KIF5B: variants seen among roughly 807,000 people sequenced by gnomAD.
The protein encoded by KIF5B is kinesin family member 5B.
A neutral mutation model predicts 132.8 loss-of-function variants in KIF5B; 49 were observed. The observed-to-expected ratio is 0.37, with a 90% CI of 0.29 to 0.47. The LOEUF (loss-of-function observed/expected upper bound fraction) is 0.47. Among genes scored for constraint, KIF5B ranks in the 20% least tolerant of loss-of-function variants. The pLI is 1.00. For synonymous variants in KIF5B, 355 were observed against 369.4 expected, an observed-to-expected ratio of 0.96 and a Z score of 0.45; for missense variants, 780 against 1,144.0, an observed-to-expected ratio of 0.68 and a Z score of 4.59.
Position 32,056,209 on chromosome 10 carries a change from C to A in KIF5B, c.-236G>T, listed in dbSNP as rs1841761663. On this transcript the variant is annotated 5_prime_UTR_variant, in exon 1 of 26. Coordinates refer to ENST00000302418, the MANE Select transcript of KIF5B (RefSeq NM_004521.3). ...TCCATCATGGCAGCCATGGCGGCGG[C>A]AGCGGCGGCGGCACCGGGGAGAGCG... The A allele has an allele frequency of 2.1e-6, 1 of 483,354 alleles. No individual in the cohort carries two copies. The allele number at this position is 483,354 out of a possible 1,614,324, so 29.9% of individuals were successfully genotyped here. A position where few individuals can be genotyped will look rare whatever the true frequency, so the allele number is the denominator to read the frequency against.
chr10:32,028,167 T>C (rs1181206323), intron 15 of KIF5B, among the ~76,000 whole-genome samples: 1 of 152,116 alleles, frequency 6.6e-6, no homozygotes, highest in Non-Finnish European at 1.5e-5. Flanking sequence ...TTTCGCCACA[T>C]TGCCCAGGTT....
intron 10 of KIF5B, among the ~76,000 whole-genome samples, chr10:32,035,283 C>A (rs1038469367): frequency 2.6e-5 from 4 of 152,114 alleles, no homozygotes; most frequent in African/African-American, 9.7e-5. Context: ...TTCTTTAATA[C>A]CAAATTACAG....
intron 25 of KIF5B, among the ~76,000 whole-genome samples, chr10:32,014,888 C>G (rs1172229227): frequency 1.3e-5 from 2 of 152,056 alleles, no homozygotes; most frequent in Admixed American, 1.3e-4. Context: ...TTTGGGAGGC[C>G]GAGGCGGGCA....
chr10:32,040,352 A>C (rs1262435347), intron 3 of KIF5B, 32 bp downstream of exon 3: 1 of 1,319,352 alleles, frequency 7.6e-7, no homozygotes, highest in East Asian at 2.3e-5. Flanking sequence ...TGTATTGCAA[A>C]CCACATCTAA....
At chr10:32,055,348 C>T (rs1841740572) in intron 1 of KIF5B, among the ~76,000 whole-genome samples, 1 of 152,130 alleles carries the variant, frequency 6.6e-6, no homozygotes, top group Non-Finnish European at 1.5e-5. Context: ...CAGAGGGAAA[C>T]AATACGGTTC....
chr10:32,055,713 A>C (rs1030591759), intron 1 of KIF5B, 135 bp downstream of exon 1: 3 of 1,235,906 alleles, frequency 2.4e-6, no homozygotes, highest in Non-Finnish European at 2.2e-6. Flanking sequence ...GGGTTATCTG[A>C]ACCGGCAAAC....
Position 32,022,273 on chromosome 10 carries a change from T to A in KIF5B, c.1915-16A>T. 7.6e-7 allele frequency: 1 copy of A among 1,318,910 alleles called. No individual in the cohort carries two copies. Among genetic ancestry groups the A allele is most frequent in the Non-Finnish European group, 1.1e-6 (1 of 914,250 alleles). 81.7% of individuals were successfully genotyped at this position (1,318,910 alleles called of 1,614,324 possible). A position where few individuals can be genotyped will look rare whatever the true frequency, so the allele number is the denominator to read the frequency against. On this transcript the variant is annotated splice_polypyrimidine_tract_variant and intron_variant, in intron 16 of 25. Transcript: ENST00000302418. The stretch of plus-strand genomic sequence containing the variant: ...TGGCTTCATGCTTTTGGAAAAAATA[T>A]ACTGATATGAAGTGGAAAACATATG...
chr10:32,049,518 AAAG>A (rs2132616649), intron 1 of KIF5B, among the ~76,000 whole-genome samples: 1 of 152,324 alleles, frequency 6.6e-6, no homozygotes, highest in Non-Finnish European at 1.5e-5. Flanking sequence ...CCTAAGGCAG[AAAG>A]AACAGTGTAG....
At chr10:32,015,866 G>A (rs111436236) in intron 24 of KIF5B, among the ~76,000 whole-genome samples, 1 of 152,088 alleles carries the variant, frequency 6.6e-6, no homozygotes, top group African/African-American at 2.4e-5. Flanking sequence ...TCCTGGCCAG[G>A]CGTAGTGGCT....
intron 2 of KIF5B, among the ~76,000 whole-genome samples, chr10:32,044,741 GCT>G (rs1435890836): frequency 6.6e-6 from 1 of 151,988 alleles, no homozygotes; most frequent in Non-Finnish European, 1.5e-5. Flanking sequence ...CCTGTATTGT[GCT>G]TAACAACTCC....
intron 2 of KIF5B, among the ~76,000 whole-genome samples, chr10:32,044,864 G>C (rs1841588977): frequency 6.6e-6 from 1 of 152,138 alleles, no homozygotes; most frequent in African/African-American, 2.4e-5. Context: ...AGGACTGTCT[G>C]ATTCTAAAGA....
At chr10:32,052,769 A>G (rs940790817) in intron 1 of KIF5B, among the ~76,000 whole-genome samples, 2 of 152,216 alleles carry the variant, frequency 1.3e-5, no homozygotes, top group Non-Finnish European at 2.9e-5. Context: ...TCATAAAATA[A>G]TTCATTTCAT....
intron 8 of KIF5B, among the ~76,000 whole-genome samples, chr10:32,036,822 T>C (rs575687761): frequency 6.6e-6 from 1 of 152,262 alleles, no homozygotes; most frequent in Non-Finnish European, 1.5e-5. Flanking sequence ...TCAGACTGTA[T>C]AGAATTGTAA....
chr10:32,040,912 G>A (rs190853357), intron 2 of KIF5B, among the ~76,000 whole-genome samples: 22 of 151,476 alleles, frequency 1.5e-4, no homozygotes, highest in South Asian at 2.1e-4. Flanking sequence ...TGCCTGAACC[G>A]GGCAGGTGGA....
intron 1 of KIF5B, among the ~76,000 whole-genome samples, chr10:32,055,237 A>G (rs1189151008): frequency 1.3e-5 from 2 of 151,502 alleles, no homozygotes; most frequent in African/African-American, 4.8e-5. Context: ...TGCCATTTGT[A>G]GTTGTTAACA....
At chr10:32,014,845 G>A (rs780192840) in intron 25 of KIF5B, among the ~76,000 whole-genome samples, 11 of 152,134 alleles carry the variant, frequency 7.2e-5, no homozygotes, top group Non-Finnish European at 1.0e-4. Context: ...GTTTCAGGTC[G>A]GGCGCGGTGG....
chr10:32,019,270 T>C (rs1841224787), intron 20 of KIF5B, among the ~76,000 whole-genome samples: 1 of 152,246 alleles, frequency 6.6e-6, no homozygotes, highest in Non-Finnish European at 1.5e-5. Context: ...AATCTTCATA[T>C]AATCCACTCT....
Position 32,047,034 on chromosome 10 carries a change from G to C in KIF5B, c.214+1430C>G, listed in dbSNP as rs211288. ...TAATAAAGTGTTAAATATTTCATAT[G>C]ATTTATTGAATACTATACTGAAAGT... is the stretch of plus-strand genomic sequence containing the variant. On this transcript the variant is annotated intron_variant, in intron 2 of 25. Transcript: ENST00000302418. Among the ~76,000 whole-genome samples, 3 of 152,126 alleles carry C rather than the reference G, an allele frequency of 2.0e-5. 1 individual carries two copies. The highest frequency in any genetic ancestry group is 6.5e-5 in the Admixed American group (1 of 15,292).
rs2132587492 is a variant in KIF5B, at chr10:32,022,849, TGA to T, written c.1911_1912del (p.Gln638ThrfsTer2). ...AATAAACTTTGTTCTATAACATACT[TGA>T]GAGATACGAAGCTGACATGCTGCTA... On this transcript the variant is annotated frameshift_variant and splice_region_variant, in exon 16 of 26. Coordinates refer to ENST00000302418, the MANE Select transcript of KIF5B (RefSeq NM_004521.3). LOFTEE classifies it high-confidence loss of function. 1.2e-6 allele frequency: 2 copies of T among 1,601,810 alleles called. No individual in the cohort carries two copies. Among genetic ancestry groups the T allele is most frequent in the Non-Finnish European group, 1.7e-6 (2 of 1,171,506 alleles).
Sources: gnomAD v4.1 joint callset for allele counts (sites outside exome capture counted in the v4.1 genomes callset) on GRCh38, gnomAD v4.1.1 for gene constraint, MANE v1.5 for transcripts, NCBI Gene and HGNC (gene_info 2026-07-23, HGNC 2026-07-21) for gene names.